ZDHHC3: variants seen among roughly 807,000 people sequenced by gnomAD.
ZDHHC3 encodes the protein palmitoyltransferase ZDHHC3.
In ZDHHC3, 9 loss-of-function variants were observed where a neutral mutation model predicts 30.6. The ratio of observed to expected loss-of-function variants is 0.29; its 90% CI spans 0.18 to 0.51. The LOEUF is 0.51. ZDHHC3 is among the 20% of genes least tolerant of loss of function. The pLI, the probability that ZDHHC3 is intolerant of heterozygous loss-of-function variation, is 0.97. For missense variants in ZDHHC3, 246 were observed against 384.2 expected, an observed-to-expected ratio of 0.64 and a Z score of 3.01; for synonymous variants, 136 against 140.2, an observed-to-expected ratio of 0.97 and a Z score of 0.21.
intron 3 of ZDHHC3, among the ~76,000 whole-genome samples, chr3:44,940,008 T>C (rs1373439640): frequency 6.6e-6 from 1 of 152,174 alleles, no homozygotes; most frequent in Admixed American, 6.5e-5. Context: ...GAGGCTGAGC[T>C]GCTCACAGAG....
intron 1 of ZDHHC3, among the ~76,000 whole-genome samples, chr3:44,965,822 C>G (rs1704899992): frequency 6.6e-6 from 1 of 152,230 alleles, no homozygotes; most frequent in South Asian, 2.1e-4. Flanking sequence ...GACAAGATCC[C>G]ACACTAAAGT....
At chr3:44,944,780 A>C (rs1160661300) in intron 3 of ZDHHC3, among the ~76,000 whole-genome samples, 1 of 152,262 alleles carries the variant, frequency 6.6e-6, no homozygotes, top group East Asian at 1.9e-4. Flanking sequence ...TTCAAGTCCC[A>C]GACATTCACA....
intron 1 of ZDHHC3, among the ~76,000 whole-genome samples, 165 bp downstream of exon 1, chr3:44,975,768 T>TCACACACACACACACACA (rs1392636735): frequency 3.6e-5 from 5 of 140,816 alleles, no homozygotes; most frequent in South Asian, 2.3e-4. Context: ...TCTCTCTCTC[T>TCACACACACACACACACA]CTCTCACACA....
Position 44,918,374 on chromosome 3 carries a change from C to T in ZDHHC3, c.*8315G>A. On this transcript the variant is annotated 3_prime_UTR_variant, in exon 7 of 7. Transcript: ENST00000424952. ...CAGCAGCGTGGAGGAACACAGCAAGCAGGGCCCGCCTGGTGGACTGACGTG... is the reference window on the plus strand; with the variant it reads ...CAGCAGCGTGGAGGAACACAGCAAGTAGGGCCCGCCTGGTGGACTGACGTG... 2 of 985,366 alleles carry T rather than the reference C, an allele frequency of 2.0e-6. No homozygotes were observed. Among genetic ancestry groups the T allele is most frequent in the Non-Finnish European group, 2.4e-6 (2 of 829,904 alleles). 61.0% of individuals were successfully genotyped at this position (985,366 alleles called of 1,614,324 possible).
At chr3:44,941,605 C>T (rs571684916) in intron 3 of ZDHHC3, among the ~76,000 whole-genome samples, 2 of 151,830 alleles carry the variant, frequency 1.3e-5, no homozygotes, top group African/African-American at 2.4e-5. Flanking sequence ...GGTGTGGAGG[C>T]GGGGGGCTGC....
Position 44,945,039 on chromosome 3 carries a change from A to AT in ZDHHC3, c.431+128dup. ...TCACTCTCTGCCCAGAGCAGGGGAC[A>AT]TTTGGAATCCCGATGCTGACTTGGC... On this transcript the variant is annotated intron_variant, in intron 3 of 6. Coordinates refer to ENST00000424952, the MANE Select transcript of ZDHHC3 (RefSeq NM_001135179.2). 3 of 1,360,840 alleles carry AT rather than the reference A, an allele frequency of 2.2e-6. No homozygotes were observed. The South Asian group carries it at 3.9e-5, about 18-fold the overall frequency. 84.3% of individuals were successfully genotyped at this position (1,360,840 alleles called of 1,614,324 possible). A position where few individuals can be genotyped will look rare whatever the true frequency, so the allele number is the denominator to read the frequency against.
chr3:44,965,839 G>A (rs541623848), intron 1 of ZDHHC3, among the ~76,000 whole-genome samples: 1 of 152,332 alleles, frequency 6.6e-6, no homozygotes, highest in South Asian at 2.1e-4. Flanking sequence ...AAGTCATGGA[G>A]TAGTTCAGCC....
chr3:44,925,613 G>C lies in ZDHHC3; in HGVS notation c.*1076C>G. 1 of 985,382 alleles carries C rather than the reference G, an allele frequency of 1.0e-6. No individual in the cohort carries two copies. The highest frequency in any genetic ancestry group is 1.7e-5 in the African/African-American group (1 of 57,328). The allele number at this position is 985,382 out of a possible 1,614,324, so 61.0% of individuals were successfully genotyped here. ...CCATATGTCAACTTTGAAAGGGTGG[G>C]GACTGTGAGGTAACCCCAGCATCAT... On this transcript the variant is annotated 3_prime_UTR_variant, in exon 7 of 7. Transcript: ENST00000424952.
chr3:44,937,968 G>T, intron 3 of ZDHHC3: 1 of 446,060 alleles, frequency 2.2e-6, no homozygotes, highest in Non-Finnish European at 4.5e-6. Flanking sequence ...ACAGAAAAAT[G>T]TTAAACACAG....
intron 1 of ZDHHC3, among the ~76,000 whole-genome samples, chr3:44,966,354 C>T (rs952218591): frequency 6.6e-6 from 1 of 152,150 alleles, no homozygotes; most frequent in African/African-American, 2.4e-5. Context: ...GTCTGGTATC[C>T]TCTTGAACTT....
At position 44,959,730 on chromosome 3, in the gene ZDHHC3, G is replaced by A. The variant is rs1453754138; in HGVS notation, c.-24-270C>T. Among the ~76,000 whole-genome samples the A allele has an allele frequency of 6.6e-6, 1 of 152,178 alleles. No homozygotes were observed. The highest frequency in any genetic ancestry group is 1.5e-5 in the Non-Finnish European group (1 of 68,018). On this transcript the variant is annotated intron_variant, in intron 1 of 6. Transcript: ENST00000424952. This position sits in a 1 kb window ranked among gnomAD's most constrained non-coding sequence, Gnocchi z 4.3. ...TTGCCCAAGGTCAGCCAGAGCAGAA[G>A]CAGGTGACACAGCCTGCCAATTTGT...
rs56895622 is a variant in ZDHHC3, at chr3:44,918,443, G to A, written c.*8246C>T. 3.3e-3 allele frequency: 3,278 copies of A among 985,396 alleles called. 97 individuals carry two copies. The African/African-American group carries it at 0.052, about 16-fold the overall frequency. 61.0% of individuals were successfully genotyped at this position (985,396 alleles called of 1,614,324 possible). ...GCCCTCCCCTTCTTTCCTTCCACAAGTGCAATGCCAGATGATGGGCAGGGG... is the reference window on the plus strand; with the variant it reads ...GCCCTCCCCTTCTTTCCTTCCACAAATGCAATGCCAGATGATGGGCAGGGG... On this transcript the variant is annotated 3_prime_UTR_variant, in exon 7 of 7. Coordinates refer to ENST00000424952, the MANE Select transcript of ZDHHC3 (RefSeq NM_001135179.2).
chr3:44,930,779 G>T (rs891129204), intron 5 of ZDHHC3, among the ~76,000 whole-genome samples: 1 of 152,190 alleles, frequency 6.6e-6, no homozygotes, highest in Non-Finnish European at 1.5e-5. Flanking sequence ...GGCTCCTTGT[G>T]GGGCAGGGCT....
chr3:44,927,158 G>C (rs1701062051), intron 6 of ZDHHC3, among the ~76,000 whole-genome samples: 1 of 152,160 alleles, frequency 6.6e-6, no homozygotes, highest in Non-Finnish European at 1.5e-5. Context: ...CTCCAGCCCT[G>C]GCCCCTTGTT....
Position 44,958,470 on chromosome 3 carries a change from G to A in ZDHHC3, c.306+661C>T, listed in dbSNP as rs1704151645. 9 of 874,734 alleles carry A rather than the reference G, an allele frequency of 1.0e-5. No homozygotes were observed. The South Asian group carries it at 1.1e-4, about 11-fold the overall frequency. 54.2% of individuals were successfully genotyped at this position (874,734 alleles called of 1,614,324 possible). A position where few individuals can be genotyped will look rare whatever the true frequency, so the allele number is the denominator to read the frequency against. ...TCTTGCTTTTCCCATACAAGAAAAG[G>A]AACAGAACAGAGGGTTTAATACCAG... On this transcript the variant is annotated intron_variant, in intron 2 of 6. Coordinates refer to ENST00000424952, the MANE Select transcript of ZDHHC3 (RefSeq NM_001135179.2).
At position 44,920,798 on chromosome 3, in the gene ZDHHC3, A is replaced by G. The variant is rs1320370910; in HGVS notation, c.*5891T>C. On this transcript the variant is annotated 3_prime_UTR_variant, in exon 7 of 7. Transcript: ENST00000424952. ...TACTCAACCTCCTCACCAACCTCAT[A>G]AAGTATTCCAGACAGAGCCTGGCCT... is the stretch of plus-strand genomic sequence containing the variant. 9.1e-6 allele frequency: 9 copies of G among 985,288 alleles called. No homozygotes were observed. The highest frequency in any genetic ancestry group is 6.1e-5 in the Admixed American group (1 of 16,262). The allele number at this position is 985,288 out of a possible 1,614,324, so 61.0% of individuals were successfully genotyped here. A position where few individuals can be genotyped will look rare whatever the true frequency, so the allele number is the denominator to read the frequency against.
rs773832287 is a variant in ZDHHC3 at position 44,959,425 on chromosome 3, G to GA, written c.11dup (p.Thr6HisfsTer8). ...CAATGTTTCGGAAGTGGTGGGTGGGGATAAGCATCATAAGCTATTCTGTCC... is the reference window on the plus strand; with the variant it reads ...CAATGTTTCGGAAGTGGTGGGTGGGGAATAAGCATCATAAGCTATTCTGTCC... On this transcript the variant is annotated frameshift_variant, in exon 2 of 7. Transcript: ENST00000424952. LOFTEE classifies it high-confidence loss of function. The surrounding 1 kb of genome is among the most constrained non-coding windows in gnomAD (Gnocchi z 4.3). 1 of 1,613,872 alleles carries GA rather than the reference G, an allele frequency of 6.2e-7. No individual in the cohort carries two copies. The highest frequency in any genetic ancestry group is 1.1e-5 in the South Asian group (1 of 91,072).
chr3:44,933,462 C>A, intron 4 of ZDHHC3: 2 of 577,718 alleles, frequency 3.5e-6, no homozygotes, highest in East Asian at 5.7e-5. Flanking sequence ...GGGCTCCAGG[C>A]AGTATGAGCT....
rs908649398 is a variant in ZDHHC3, at chr3:44,925,881, G to T, written c.*808C>A. The T allele has an allele frequency of 1.0e-6, 1 of 985,848 alleles. No individual in the cohort carries two copies. The highest frequency in any genetic ancestry group is 1.2e-6 in the Non-Finnish European group (1 of 829,940). 61.1% of individuals were successfully genotyped at this position (985,848 alleles called of 1,614,324 possible). ...AGATGGGGTGGTGAGAGAGGAAGCA[G>T]ATGAAACAAAGGAAAACGTAGCTTG... On this transcript the variant is annotated 3_prime_UTR_variant, in exon 7 of 7. Coordinates refer to ENST00000424952, the MANE Select transcript of ZDHHC3 (RefSeq NM_001135179.2).
Sources: allele counts gnomAD v4.1 joint callset (sites outside exome capture counted in the v4.1 genomes callset), GRCh38; gene constraint gnomAD v4.1.1; non-coding constraint Gnocchi (gnomAD v3.1); transcripts MANE v1.5; gene names NCBI Gene and HGNC (gene_info 2026-07-23, HGNC 2026-07-21).